Variants in DNAH6 observed in about 807,000 individuals in gnomAD.
DNAH6 encodes the protein axonemal beta dynein heavy chain 6.
Under a neutral mutation model 491.4 loss-of-function variants are expected in DNAH6, and 340 were observed. The ratio of observed to expected loss-of-function variants is 0.69; its 90% CI spans 0.63 to 0.76. DNAH6 has a LOEUF of 0.76. Among genes scored for constraint, DNAH6 ranks in the 30% least tolerant of loss-of-function variants. The pLI is 0.00. For synonymous variants in DNAH6, 1,603 were observed against 1,686.1 expected, an observed-to-expected ratio of 0.95 and a Z score of 1.21; for missense variants, 4,443 against 4,972.2, an observed-to-expected ratio of 0.89 and a Z score of 3.20.
In DNAH6 at chr2:84,562,578, C is replaced by T. The variant is rs188938295; in HGVS notation, c.1803+4643C>T. 3.6e-3 allele frequency among the ~76,000 whole-genome samples: 545 copies of T among 152,228 alleles called. 1 individual carries two copies. The highest frequency in any genetic ancestry group is 0.012 in the African/African-American group (497 of 41,552). The stretch of plus-strand genomic sequence containing the variant: ...GATGCTATGATTTGCTAAGAGACCT[C>T]GCAGGACTCAGTGTATAATTTTACT... On this transcript the variant is annotated intron_variant, in intron 11 of 76. Coordinates refer to ENST00000389394, the MANE Select transcript of DNAH6 (RefSeq NM_001370.2).
At chr2:84,747,043 A>G (rs1593719) in intron 63 of DNAH6, among the ~76,000 whole-genome samples, 37,684 of 151,820 alleles carry the variant, frequency 0.25, 5,197 homozygotes, top group African/African-American at 0.4. Flanking sequence ...CCTCCCACTA[A>G]TCCCTACTTT....
rs922688608 is a variant in DNAH6, at chr2:84,745,070, G to A, written c.10343-10G>A. On this transcript the variant is annotated splice_polypyrimidine_tract_variant and intron_variant, in intron 62 of 76. Coordinates refer to ENST00000389394, the MANE Select transcript of DNAH6 (RefSeq NM_001370.2). Reference sequence around the variant, plus strand: ...CTAATTAAATTATCTTTTTTAAATTGTATTTCCAGGATCTTTTGAGACTTA... The same window carrying A: ...CTAATTAAATTATCTTTTTTAAATTATATTTCCAGGATCTTTTGAGACTTA... 77 of 1,447,400 alleles carry A rather than the reference G, an allele frequency of 5.3e-5. No homozygotes were observed. The highest frequency in any genetic ancestry group is 7.0e-5 in the Non-Finnish European group (76 of 1,083,418). The allele number at this position is 1,447,400 out of a possible 1,614,324, so 89.7% of individuals were successfully genotyped here.
chr2:84,624,198 A>C (rs1687644958), intron 26 of DNAH6, 67 bp from the exon 27 acceptor site: 14 of 1,377,444 alleles, frequency 1.0e-5, no homozygotes, highest in Non-Finnish European at 1.4e-5. Flanking sequence ...TTGAATGGTG[A>C]AAGAGATAAT....
At chr2:84,616,424 C>A (rs141109654) in intron 22 of DNAH6, among the ~76,000 whole-genome samples, 1 of 152,116 alleles carries the variant, frequency 6.6e-6, no homozygotes, top group East Asian at 1.9e-4. Context: ...TGGAAAAGTC[C>A]TTTTATCCTT....
chr2:84,795,468 T>C (rs1199000316), intron 68 of DNAH6, among the ~76,000 whole-genome samples: 1 of 150,358 alleles, frequency 6.7e-6, no homozygotes, highest in Non-Finnish European at 1.5e-5. Context: ...GAAAATAAAC[T>C]AATTATAAAA....
chr2:84,693,413 G>T (rs1166774374), intron 45 of DNAH6, among the ~76,000 whole-genome samples: 1 of 151,868 alleles, frequency 6.6e-6, no homozygotes, highest in African/African-American at 2.4e-5. Flanking sequence ...TCCTTTTTGA[G>T]TGCTCTCTCT....
chr2:84,678,782 A>T (rs1365718305), intron 41 of DNAH6, among the ~76,000 whole-genome samples: 1 of 152,218 alleles, frequency 6.6e-6, no homozygotes, highest in Non-Finnish European at 1.5e-5. Context: ...TTACAGGTTT[A>T]CATTTAAAAC....
At chr2:84,665,353 C>A (rs887318117) in intron 37 of DNAH6, among the ~76,000 whole-genome samples, 12 of 151,560 alleles carry the variant, frequency 7.9e-5, no homozygotes, top group African/African-American at 2.9e-4. Context: ...AGACCACTAG[C>A]AAGACTAATA....
chr2:84,614,696 A>G (rs980555078), intron 22 of DNAH6, among the ~76,000 whole-genome samples: 1 of 151,306 alleles, frequency 6.6e-6, no homozygotes, highest in African/African-American at 2.4e-5. Flanking sequence ...ACCAACATCT[A>G]TTATTTTTTT....
At chr2:84,539,443 G>A (rs997477201) in intron 4 of DNAH6, among the ~76,000 whole-genome samples, 12 of 152,092 alleles carry the variant, frequency 7.9e-5, no homozygotes, top group Non-Finnish European at 1.3e-4. Context: ...AGCCTTAGCT[G>A]CTCATTAGAA....
At chr2:84,579,267 C>T (rs1428314290) in intron 13 of DNAH6, among the ~76,000 whole-genome samples, 1 of 152,122 alleles carries the variant, frequency 6.6e-6, no homozygotes, top group Non-Finnish European at 1.5e-5. Context: ...CTACATAGGA[C>T]AAAGAAGCAG....
chr2:84,644,098 A>C (rs189225869), intron 33 of DNAH6, among the ~76,000 whole-genome samples: 1 of 152,232 alleles, frequency 6.6e-6, no homozygotes, highest in Admixed American at 6.5e-5. Context: ...TCAGTCTTTT[A>C]ATGAGCCTAT....
chr2:84,479,440 G>C, the DNAH6 span, among the ~76,000 whole-genome samples: 1 of 152,186 alleles, frequency 6.6e-6, no homozygotes, highest in Admixed American at 6.5e-5. Context: ...GGGCAATGCT[G>C]TCTCAGAGGG....
intron 63 of DNAH6, among the ~76,000 whole-genome samples, chr2:84,756,482 G>C (rs1674035423): frequency 6.6e-6 from 1 of 152,156 alleles, no homozygotes; most frequent in Admixed American, 6.5e-5. Context: ...TCAGGAACTT[G>C]AGTATGATGC....
intron 40 of DNAH6, among the ~76,000 whole-genome samples, chr2:84,674,772 G>C (rs1693071496): frequency 6.6e-6 from 1 of 152,128 alleles, no homozygotes. Context: ...GATGAGGGTG[G>C]GAAGGGAATG....
chr2:84,570,175 A>G (rs1176761731), intron 11 of DNAH6, among the ~76,000 whole-genome samples: 1 of 152,164 alleles, frequency 6.6e-6, no homozygotes, highest in East Asian at 1.9e-4. Context: ...AAAAATAAGA[A>G]CATGCCCAAA....
At chr2:84,672,005 A>G (rs1692783730) in intron 39 of DNAH6, among the ~76,000 whole-genome samples, 2 of 152,244 alleles carry the variant, frequency 1.3e-5, no homozygotes, top group African/African-American at 4.8e-5. Flanking sequence ...TGCCTAAGCC[A>G]CATGGTTGCT....
At chr2:84,611,594 C>T (rs1034907894) in intron 21 of DNAH6, 80 bp from the exon 22 acceptor site, 2 of 1,210,660 alleles carry the variant, frequency 1.7e-6, no homozygotes, top group Non-Finnish European at 2.3e-6. Flanking sequence ...ACAGTGATTC[C>T]CTGTGTCATG....
chr2:84,542,221 T>G (rs918913090), intron 4 of DNAH6, among the ~76,000 whole-genome samples: 2 of 152,166 alleles, frequency 1.3e-5, no homozygotes, highest in Non-Finnish European at 2.9e-5. Flanking sequence ...GTCAGCAATT[T>G]GTTCTTGTTT....
Sources: allele counts gnomAD v4.1 joint callset (sites outside exome capture counted in the v4.1 genomes callset), GRCh38; gene constraint gnomAD v4.1.1; transcripts MANE v1.5; gene names NCBI Gene and HGNC (gene_info 2026-07-23, HGNC 2026-07-21).